Variants in CNTNAP3B observed in about 807,000 individuals in gnomAD.
CNTNAP3B encodes the protein contactin-associated protein-like 3B.
Under a neutral mutation model 108.9 loss-of-function variants are expected in CNTNAP3B, and 25 were observed. That is an observed-to-expected ratio of 0.23 (90% confidence interval 0.17 to 0.32). The LOEUF is 0.32. Among genes scored for constraint, CNTNAP3B ranks in the 10% least tolerant of loss-of-function variants. CNTNAP3B has a pLI of 1.00. For synonymous variants in CNTNAP3B, 103 were observed against 473.4 expected (o/e 0.22, Z 10.16); for missense variants, 252 against 1,210.4 (o/e 0.21, Z 11.75).
intron 12 of CNTNAP3B, among the ~76,000 whole-genome samples, chr9:41,954,224 A>G (rs1313450188): frequency 1.3e-5 from 2 of 152,260 alleles, no homozygotes; most frequent in Non-Finnish European, 2.9e-5. Flanking sequence ...AGAAACGAAG[A>G]AACATTTGTA....
intron 3 of CNTNAP3B, among the ~76,000 whole-genome samples, chr9:42,042,878 TC>T (rs1826791013): frequency 7.2e-6 from 1 of 139,484 alleles, no homozygotes; most frequent in Admixed American, 7.2e-5. Flanking sequence ...AGTGTATTTT[TC>T]CTCTAGGCCA....
chr9:42,110,332 C>T (rs1417078369), intron 1 of CNTNAP3B, among the ~76,000 whole-genome samples: 1 of 136,710 alleles, frequency 7.3e-6, no homozygotes, highest in Non-Finnish European at 1.6e-5. Flanking sequence ...TGCACTTGCT[C>T]CTCACTGTGA....
At chr9:41,990,612 G>T (rs1825787955) in intron 8 of CNTNAP3B, among the ~76,000 whole-genome samples, 1 of 131,544 alleles carries the variant, frequency 7.6e-6, no homozygotes, top group Non-Finnish European at 1.6e-5. Flanking sequence ...TATCCCCCTG[G>T]TCTCAAGCAG....
At chr9:42,014,724 G>A (rs1416907847) in intron 3 of CNTNAP3B, among the ~76,000 whole-genome samples, 2 of 53,482 alleles carry the variant, frequency 3.7e-5, no homozygotes, top group Admixed American at 4.1e-4. Context: ...CCGGGAGGTG[G>A]AGCTTGCAGT....
At chr9:41,941,735 G>C (rs1275409536) in intron 13 of CNTNAP3B, among the ~76,000 whole-genome samples, 2 of 146,318 alleles carry the variant, frequency 1.4e-5, no homozygotes, top group African/African-American at 5.2e-5. Context: ...AGCAGATGGT[G>C]GAGTCTGGTA....
rs1450867549 is a variant in CNTNAP3B at position 41,977,814 on chromosome 9, G to A, written c.1478-7569C>T. 1.1e-4 allele frequency among the ~76,000 whole-genome samples: 12 copies of A among 111,542 alleles called. No homozygotes were observed. In the Admixed American group the frequency reaches 1.1e-3, roughly 11 times the overall value. The allele number at this position is 111,542 out of a possible 152,430, so 73.2% of individuals were successfully genotyped here. ...TTTTTTTTTTTTTTTTGTATTTTTA[G>A]TAGAGACGGGGTTTCACCGTGTTAG... On this transcript the variant is annotated intron_variant, in intron 9 of 23. Transcript: ENST00000377561.
At chr9:41,990,983 A>G (rs1825795283) in intron 8 of CNTNAP3B, among the ~76,000 whole-genome samples, 1 of 134,828 alleles carries the variant, frequency 7.4e-6, no homozygotes, top group African/African-American at 3.0e-5. Context: ...TCTCCCTGCA[A>G]AGGAGATCTG....
At chr9:42,110,875 T>G (rs1427250811) in intron 1 of CNTNAP3B, among the ~76,000 whole-genome samples, 1 of 140,372 alleles carries the variant, frequency 7.1e-6, no homozygotes, top group African/African-American at 2.8e-5. Context: ...AATTGATCTG[T>G]GCATTGCTAT....
In CNTNAP3B at chr9:42,093,215, C is replaced by T. The variant is rs572345939; in HGVS notation, c.196+11414G>A. ...AAAAAATTAGCCAGGCGTGGTGGCGCGACCCTGTAATCCCAGTTACTCAGA... is the reference window on the plus strand; with the variant it reads ...AAAAAATTAGCCAGGCGTGGTGGCGTGACCCTGTAATCCCAGTTACTCAGA... On this transcript the variant is annotated intron_variant, in intron 2 of 23. Transcript: ENST00000377561. Among the ~76,000 whole-genome samples the T allele has an allele frequency of 2.1e-4, 20 of 94,204 alleles. 9 individuals carry two copies. The highest frequency in any genetic ancestry group is 3.4e-4 in the Non-Finnish European group (15 of 44,762). The allele number at this position is 94,204 out of a possible 152,430, so 61.8% of individuals were successfully genotyped here. A position where few individuals can be genotyped will look rare whatever the true frequency, so the allele number is the denominator to read the frequency against.
intron 3 of CNTNAP3B, among the ~76,000 whole-genome samples, chr9:42,058,198 A>G (rs2118561519): frequency 6.6e-6 from 1 of 151,222 alleles, no homozygotes; most frequent in African/African-American, 2.4e-5. Context: ...TCTAAAAGAC[A>G]TACTGATTTA....
rs553367214 is a variant in CNTNAP3B at position 42,110,763 on chromosome 9, C to G, written c.86-6024G>C. On this transcript the variant is annotated intron_variant, in intron 1 of 23. Transcript: ENST00000377561. ...CTATTCCATTCTTCCCATTTCATCA[C>G]CTGTCTTTTCAGTTCTTAATGTACC... 6.5e-5 allele frequency among the ~76,000 whole-genome samples: 9 copies of G among 137,554 alleles called. 4 individuals carry two copies. In the East Asian group the frequency reaches 1.5e-3, roughly 24 times the overall value. 90.2% of individuals were successfully genotyped at this position (137,554 alleles called of 152,430 possible). A position where few individuals can be genotyped will look rare whatever the true frequency, so the allele number is the denominator to read the frequency against.
intron 13 of CNTNAP3B, among the ~76,000 whole-genome samples, chr9:41,945,800 C>G (rs1390507733): frequency 6.6e-6 from 1 of 152,226 alleles, no homozygotes; most frequent in Non-Finnish European, 1.5e-5. Context: ...TCAGAGTGAA[C>G]AACAACAACA....
In CNTNAP3B at chr9:41,942,697, T is replaced by C. The variant is rs1480588105; in HGVS notation, c.2081-4297A>G. ...CGCACCTTATCATCAATCAGATCAG[T>C]ACATTACCTGTATAGTAACAGGAGA... On this transcript the variant is annotated intron_variant, in intron 13 of 23. Coordinates refer to ENST00000377561, the MANE Select transcript of CNTNAP3B (RefSeq NM_001201380.3). Among the ~76,000 whole-genome samples the C allele has an allele frequency of 7.5e-3, 1,137 of 151,922 alleles. 6 individuals are homozygous for C. The highest frequency in any genetic ancestry group is 0.026 in the African/African-American group (1,090 of 41,166).
intron 14 of CNTNAP3B, among the ~76,000 whole-genome samples, chr9:41,932,515 T>TTTTTC (rs1824008212): frequency 7.1e-6 from 1 of 140,556 alleles, no homozygotes; most frequent in African/African-American, 2.7e-5. Context: ...TAACTTTTTT[T>TTTTTC]TCTTCTTTTT....
chr9:41,932,937 G>A (rs1385329315), intron 14 of CNTNAP3B, among the ~76,000 whole-genome samples: 3 of 152,304 alleles, frequency 2.0e-5, no homozygotes, highest in Non-Finnish European at 4.4e-5. Context: ...CTATCTTCTG[G>A]CCAGTTCAAC....
rs1462691043 is a variant in CNTNAP3B at position 42,080,329 on chromosome 9, C to T, written c.197-3267G>A. On this transcript the variant is annotated intron_variant, in intron 2 of 23. Transcript: ENST00000377561. Reference sequence around the variant, plus strand: ...AAATAAGCTATATTTTCAGCCATTACTGATAAAGTAATGAAATTCTGGCAT... The same window carrying T: ...AAATAAGCTATATTTTCAGCCATTATTGATAAAGTAATGAAATTCTGGCAT... Among the ~76,000 whole-genome samples, 4 of 138,024 alleles carry T rather than the reference C, an allele frequency of 2.9e-5. 1 individual carries two copies. Among genetic ancestry groups the T allele is most frequent in the Non-Finnish European group, 6.2e-5 (4 of 64,582 alleles). The allele number at this position is 138,024 out of a possible 152,430, so 90.5% of individuals were successfully genotyped here.
intron 3 of CNTNAP3B, among the ~76,000 whole-genome samples, chr9:42,029,666 G>T (rs1314386307): frequency 2.4e-5 from 3 of 124,516 alleles, no homozygotes; most frequent in African/African-American, 3.3e-5. Context: ...GAGTAGCTAG[G>T]ACTACAGGCA....
At chr9:42,082,908 A>T (rs1212913104) in intron 2 of CNTNAP3B, among the ~76,000 whole-genome samples, 1 of 139,872 alleles carries the variant, frequency 7.1e-6, no homozygotes, top group Non-Finnish European at 1.5e-5. Flanking sequence ...GTCAGATTAG[A>T]TGAGAAAGCA....
intron 14 of CNTNAP3B, among the ~76,000 whole-genome samples, chr9:41,933,360 T>C (rs1291370304): frequency 6.6e-6 from 1 of 152,254 alleles, no homozygotes; most frequent in African/African-American, 2.4e-5. Flanking sequence ...GTCCCAAGAG[T>C]CGAAATCACC....
Sources: gnomAD v4.1 joint callset for allele counts (sites outside exome capture counted in the v4.1 genomes callset) on GRCh38, gnomAD v4.1.1 for gene constraint, MANE v1.5 for transcripts, NCBI Gene and HGNC (gene_info 2026-07-23, HGNC 2026-07-21) for gene names.